The following DDAH1 variants were observed in gnomAD, a reference collection of about 807,000 sequenced individuals.
The protein encoded by DDAH1 is dimethylarginine dimethylaminohydrolase 1, also known as N(G),N(G)-dimethylarginine dimethylaminohydrolase 1.
DDAH1 carries 19 observed loss-of-function variants against 28.8 expected under a neutral mutation model. The observed-to-expected ratio is 0.66, with a 90% CI of 0.46 to 0.97. The LOEUF is 0.97. Among genes scored for constraint, DDAH1 ranks in the 50% least tolerant of loss-of-function variants. The pLI, the probability that DDAH1 is intolerant of heterozygous loss-of-function variation, is 0.00. For missense variants in DDAH1, 326 were observed against 375.9 expected, an observed-to-expected ratio of 0.87 and a Z score of 1.10; for synonymous variants, 153 against 154.4, an observed-to-expected ratio of 0.99 and a Z score of 0.07.
chr1:85,541,158 G>A (rs1433720279), intron 1 of DDAH1, among the ~76,000 whole-genome samples: 4 of 152,092 alleles, frequency 2.6e-5, no homozygotes, highest in African/African-American at 4.8e-5. Flanking sequence ...TTCAAGAGAC[G>A]TTCATTCTCC....
intron 1 of DDAH1, among the ~76,000 whole-genome samples, chr1:85,536,252 A>G (rs1658272598): frequency 6.6e-6 from 1 of 151,978 alleles, no homozygotes; most frequent in Admixed American, 6.5e-5. Flanking sequence ...AAAATAAAAA[A>G]ATAATAAAAA....
At chr1:85,460,632 A>T (rs543667703) in intron 1 of DDAH1, among the ~76,000 whole-genome samples, 30 of 152,348 alleles carry the variant, frequency 2.0e-4, no homozygotes, top group African/African-American at 6.7e-4. Flanking sequence ...GGCCTTTTGC[A>T]AAACAGGATA....
chr1:85,562,407 G>T (rs973402705), intron 1 of DDAH1, among the ~76,000 whole-genome samples: 1 of 152,104 alleles, frequency 6.6e-6, no homozygotes, highest in South Asian at 2.1e-4. Flanking sequence ...AAGAATAAAA[G>T]TTTCTGTTAT....
At chr1:85,364,530 G>A (rs1322378159) in intron 1 of DDAH1, among the ~76,000 whole-genome samples, 3 of 151,096 alleles carry the variant, frequency 2.0e-5, no homozygotes, top group East Asian at 3.9e-4. Context: ...TCCTAAATTT[G>A]TCCATATGTG....
At chr1:85,342,464 G>GA (rs1648562639) in intron 4 of DDAH1, among the ~76,000 whole-genome samples, 2 of 151,866 alleles carry the variant, frequency 1.3e-5, no homozygotes, top group South Asian at 4.1e-4. Flanking sequence ...CCTGTTCTCA[G>GA]AAAATGATAA....
At chr1:85,429,738 T>C (rs1653579871) in intron 1 of DDAH1, among the ~76,000 whole-genome samples, 1 of 152,212 alleles carries the variant, frequency 6.6e-6, no homozygotes. Context: ...CTCACTGTGG[T>C]TTTGATTTGC....
intron 3 of DDAH1, 29 bp downstream of exon 3, chr1:85,351,477 G>A: frequency 6.4e-7 from 1 of 1,564,104 alleles, no homozygotes; most frequent in South Asian, 1.1e-5. Flanking sequence ...TAATTGCTTT[G>A]TGCCAGGCAT....
upstream of DDAH1, among the ~76,000 whole-genome samples, chr1:85,466,247 G>C (rs188559118): frequency 4.5e-4 from 69 of 152,074 alleles, no homozygotes; most frequent in Non-Finnish European, 7.5e-4. Context: ...AGTTTTTTTT[G>C]TTTTTTGTTG....
At chr1:85,399,518 T>C (rs1186097919) in intron 1 of DDAH1, 1 of 152,258 alleles carries the variant, frequency 6.6e-6, no homozygotes, top group Non-Finnish European at 1.5e-5. Flanking sequence ...GCTTCTGCAC[T>C]AGGCCCCACA....
intron 1 of DDAH1, among the ~76,000 whole-genome samples, chr1:85,383,619 T>C (rs1651106846): frequency 6.6e-6 from 1 of 152,232 alleles, no homozygotes; most frequent in Non-Finnish European, 1.5e-5. Flanking sequence ...ACAGCATTGC[T>C]TCTTACAGAG....
chr1:85,519,290 G>C (rs1449293274), intron 1 of DDAH1, among the ~76,000 whole-genome samples: 6 of 151,964 alleles, frequency 3.9e-5, no homozygotes, highest in African/African-American at 1.4e-4. Flanking sequence ...TAGATACGGG[G>C]TTTCACCGTG....
chr1:85,514,828 G>A (rs1223373007), intron 1 of DDAH1, among the ~76,000 whole-genome samples: 1 of 152,064 alleles, frequency 6.6e-6, no homozygotes, highest in Non-Finnish European at 1.5e-5. Flanking sequence ...ATATCAAAAT[G>A]TCCTAAACTT....
intron 1 of DDAH1, among the ~76,000 whole-genome samples, chr1:85,507,967 C>T (rs1313510544): frequency 6.6e-6 from 1 of 152,182 alleles, no homozygotes; most frequent in Non-Finnish European, 1.5e-5. Flanking sequence ...TCAGATTAAG[C>T]CCTTTTGGCA....
chr1:85,415,556 C>A (rs574904003), intron 1 of DDAH1, among the ~76,000 whole-genome samples: 89 of 152,146 alleles, frequency 5.8e-4, no homozygotes, highest in African/African-American at 2.0e-3. Context: ...TGAATATATT[C>A]ATACATTGAA....
chr1:85,323,652 C>CA (rs1290315576), intron 5 of DDAH1, among the ~76,000 whole-genome samples: 1 of 152,124 alleles, frequency 6.6e-6, no homozygotes, highest in Non-Finnish European at 1.5e-5. Context: ...AATGAACACC[C>CA]ACCACTCTGG....
intron 1 of DDAH1, among the ~76,000 whole-genome samples, chr1:85,575,383 C>T (rs1252267683): frequency 6.6e-6 from 1 of 152,160 alleles, no homozygotes; most frequent in African/African-American, 2.4e-5. Context: ...AGCCTTATTC[C>T]AGAAGTAGGG....
rs1363358689 is a variant in DDAH1 at position 85,318,979 on chromosome 1, C to T, written c.*2473G>A. The T allele has an allele frequency of 6.6e-6, 1 of 152,188 alleles. No homozygotes were observed. The highest frequency in any genetic ancestry group is 2.4e-5 in the African/African-American group (1 of 41,442). The allele number at this position is 152,188 out of a possible 1,614,324, so 9.4% of individuals were successfully genotyped here. ...AATCACATCACCCAAGTAATTCTGACTTAACTTTTACTTAGTTAAATATAA... is the reference window on the plus strand; with the variant it reads ...AATCACATCACCCAAGTAATTCTGATTTAACTTTTACTTAGTTAAATATAA... On this transcript the variant is annotated 3_prime_UTR_variant, in exon 6 of 6. Transcript: ENST00000284031.
intron 1 of DDAH1, among the ~76,000 whole-genome samples, chr1:85,396,153 C>G (rs1651804338): frequency 6.6e-6 from 1 of 152,022 alleles, no homozygotes; most frequent in Non-Finnish European, 1.5e-5. Context: ...TATTTTTGAT[C>G]AAGTGTTTGA....
At chr1:85,416,260 G>GTT (rs149735541) in intron 1 of DDAH1, among the ~76,000 whole-genome samples, 6 of 150,634 alleles carry the variant, frequency 4.0e-5, no homozygotes, top group South Asian at 2.1e-4. Context: ...GTTTTTTTGG[G>GTT]TTTTTTTTTG....
Sources: gnomAD v4.1 joint callset for allele counts (sites outside exome capture counted in the v4.1 genomes callset) on GRCh38, gnomAD v4.1.1 for gene constraint, MANE v1.5 for transcripts, NCBI Gene and HGNC (gene_info 2026-07-23, HGNC 2026-07-21) for gene names.